The following RHOBTB3 variants were observed in gnomAD, a reference collection of about 807,000 sequenced individuals.
RHOBTB3 encodes rho-related BTB domain-containing protein 3.
In RHOBTB3, 47 loss-of-function variants were observed where a neutral mutation model predicts 67.2. That is an observed-to-expected ratio of 0.70 (90% CI 0.55 to 0.89). The LOEUF is 0.89. Among genes scored for constraint, RHOBTB3 ranks in the 40% least tolerant of loss-of-function variants. The pLI, the probability that RHOBTB3 is intolerant of heterozygous loss-of-function variation, is 0.00. For missense variants in RHOBTB3, 631 were observed against 750.0 expected (o/e 0.84, Z 1.85); for synonymous variants, 273 against 274.2 (o/e 1.00, Z 0.04).
rs1745665249 is a variant in RHOBTB3, at chr5:95,770,151, C to T, written c.1282+1985C>T. The stretch of plus-strand genomic sequence containing the variant: ...GAAATCATTGAGCAGTTAGATATCA[C>T]AGCTAGTGAATATGAAAAGGGAAAA... On this transcript the variant is annotated intron_variant, in intron 8 of 11. Coordinates refer to ENST00000379982, the MANE Select transcript of RHOBTB3 (RefSeq NM_014899.4). 8.0e-5 allele frequency: 21 copies of T among 261,864 alleles called. No homozygotes were observed. In the South Asian group the frequency reaches 9.9e-4, roughly 12 times the overall value. The allele number at this position is 261,864 out of a possible 1,614,324, so 16.2% of individuals were successfully genotyped here. A position where few individuals can be genotyped will look rare whatever the true frequency, so the allele number is the denominator to read the frequency against.
In RHOBTB3 at chr5:95,793,960, T is replaced by A. The variant is rs572881926; in HGVS notation, c.*786T>A. The A allele has an allele frequency of 8.3e-4, 377 of 454,934 alleles. 1 individual carries two copies. Among genetic ancestry groups the A allele is most frequent in the Non-Finnish European group, 1.5e-3 (342 of 226,560 alleles). The allele number at this position is 454,934 out of a possible 1,614,324, so 28.2% of individuals were successfully genotyped here. On this transcript the variant is annotated 3_prime_UTR_variant, in exon 12 of 12. Transcript: ENST00000379982. The stretch of plus-strand genomic sequence containing the variant: ...TGCTGAGCCCTCAAAATTATGTCTG[T>A]TTCGTGGTGGGAAATATCCTATGTT...
intron 11 of RHOBTB3, among the ~76,000 whole-genome samples, chr5:95,791,920 C>G (rs1268568367): frequency 6.6e-6 from 1 of 152,132 alleles, no homozygotes; most frequent in Non-Finnish European, 1.5e-5. Flanking sequence ...GCCTAACTGT[C>G]TGGGAATGCA....
chr5:95,793,189 A>T lies in RHOBTB3; in HGVS notation c.*15A>T. The T allele has an allele frequency of 6.7e-7, 1 of 1,489,862 alleles. No homozygotes were observed. Among genetic ancestry groups the T allele is most frequent in the East Asian group, 2.3e-5 (1 of 43,796 alleles). The allele number at this position is 1,489,862 out of a possible 1,614,324, so 92.3% of individuals were successfully genotyped here. Reference sequence around the variant, plus strand: ...TAGTAATGTAACCTGGAGCTTTTATACACTACATTTCTTTTTTATTATTAT... The same window carrying T: ...TAGTAATGTAACCTGGAGCTTTTATTCACTACATTTCTTTTTTATTATTAT... On this transcript the variant is annotated 3_prime_UTR_variant, in exon 12 of 12. Coordinates refer to ENST00000379982, the MANE Select transcript of RHOBTB3 (RefSeq NM_014899.4).
intron 6 of RHOBTB3, chr5:95,756,130 A>G (rs188002017): frequency 5.3e-6 from 1 of 188,752 alleles, no homozygotes; most frequent in East Asian, 1.5e-4. Context: ...TATAAAACTG[A>G]AACTCTATAC....
intron 3 of RHOBTB3, among the ~76,000 whole-genome samples, chr5:95,744,364 T>C (rs1755690460): frequency 6.6e-6 from 1 of 152,180 alleles, no homozygotes; most frequent in Admixed American, 6.5e-5. Context: ...TCCTCTGTTG[T>C]GTGGTGGCTT....
upstream of RHOBTB3, among the ~76,000 whole-genome samples, chr5:95,729,191 G>A (rs1755146584): frequency 6.6e-6 from 1 of 152,166 alleles, no homozygotes; most frequent in Non-Finnish European, 1.5e-5. Context: ...TAATAAACTG[G>A]CTTTCACTTT....
At chr5:95,755,890 C>T (rs908348088) in intron 6 of RHOBTB3, 129 bp downstream of exon 6, 11 of 859,272 alleles carry the variant, frequency 1.3e-5, no homozygotes, top group Admixed American at 2.6e-5. Context: ...TAAGATTATA[C>T]ATGAAATATT....
rs189493841 is a variant in RHOBTB3 at position 95,792,494 on chromosome 5, A to T, written c.1721-565A>T. On this transcript the variant is annotated intron_variant, in intron 11 of 11. Transcript: ENST00000379982. ...TATATCCAGGAAAAACAAAAGCTTT[A>T]TTGGAAAAGAAAAGGAAGCCAGGCG... Among the ~76,000 whole-genome samples the T allele has an allele frequency of 4.1e-4, 63 of 152,054 alleles. 1 individual carries two copies. The East Asian group carries it at 0.012, about 28-fold the overall frequency.
intron 3 of RHOBTB3, among the ~76,000 whole-genome samples, chr5:95,737,486 G>A (rs1486480510): frequency 6.6e-6 from 1 of 152,200 alleles, no homozygotes; most frequent in Non-Finnish European, 1.5e-5. Context: ...ATAACAATGA[G>A]TGAGCTGGAA....
In RHOBTB3 at chr5:95,794,784, C is replaced by G. The variant is rs1433728045; in HGVS notation, c.*1610C>G. 6.6e-6 allele frequency: 1 copy of G among 152,056 alleles called. No homozygotes were observed. Among genetic ancestry groups the G allele is most frequent in the Non-Finnish European group, 1.5e-5 (1 of 68,028 alleles). The allele number at this position is 152,056 out of a possible 1,614,324, so 9.4% of individuals were successfully genotyped here. ...ATATTGGGACCCCATACCGTTAGCC[C>G]TTGTATGTATACCAACACTGCCAAA... On this transcript the variant is annotated 3_prime_UTR_variant, in exon 12 of 12. Transcript: ENST00000379982.
At chr5:95,790,469 C>T (rs1561458685) in intron 11 of RHOBTB3, among the ~76,000 whole-genome samples, 2 of 152,060 alleles carry the variant, frequency 1.3e-5, no homozygotes, top group African/African-American at 4.8e-5. Flanking sequence ...CTATTACAAC[C>T]TTGGGAGAAG....
Position 95,779,325 on chromosome 5 carries a change from G to A in RHOBTB3, c.1283-927G>A, listed in dbSNP as rs115070598. 3.9e-3 allele frequency among the ~76,000 whole-genome samples: 595 copies of A among 152,218 alleles called. 3 individuals carry two copies. The highest frequency in any genetic ancestry group is 0.014 in the African/African-American group (572 of 41,542). ...AGGTAGCTTTGTCTTCCTCCTCTTT[G>A]TGTCTTCAATTCCAAATGCAATGAT... is the stretch of plus-strand genomic sequence containing the variant. On this transcript the variant is annotated intron_variant, in intron 8 of 11. Coordinates refer to ENST00000379982, the MANE Select transcript of RHOBTB3 (RefSeq NM_014899.4).
chr5:95,763,565 G>T lies in RHOBTB3; in HGVS notation c.1106G>T (p.Gly369Val), dbSNP rs202036278. 1 of 1,612,934 alleles carries T rather than the reference G, an allele frequency of 6.2e-7. No individual in the cohort carries two copies. The highest frequency in any genetic ancestry group is 1.7e-5 in the Admixed American group (1 of 59,964). Residue 369 changes from glycine (G) to valine (V), a missense_variant, in exon 7 of 12, where the codon GGG becomes GTG. Transcript: ENST00000379982. The part of the protein sequence containing the change: ...EDIRKKLKDS[G>V]DVSNVIEKVK... The stretch of plus-strand genomic sequence containing the variant: ...ATCAGGAAGAAGTTGAAAGATTCTG[G>T]GGATGTTTCAAATGTAATCGAGAAA...
At position 95,753,379 on chromosome 5, in the gene RHOBTB3, T is replaced by A. The variant is rs577081463; in HGVS notation, c.682+1029T>A. Reference sequence around the variant, plus strand: ...GTGTTCATTGCATCATTCTTTCAACTTTTTTGACTGTTTGAAAATATTTTT... The same window carrying A: ...GTGTTCATTGCATCATTCTTTCAACATTTTTGACTGTTTGAAAATATTTTT... On this transcript the variant is annotated intron_variant, in intron 5 of 11. Transcript: ENST00000379982. 9.8e-5 allele frequency among the ~76,000 whole-genome samples: 15 copies of A among 152,290 alleles called. No individual in the cohort carries two copies. In the South Asian group the frequency reaches 1.7e-3, roughly 17 times the overall value.
rs1046401651 is a variant in RHOBTB3 at position 95,739,557 on chromosome 5, G to T, written c.415+2482G>T. ...ATACTACAGACATTTTTAAATGTAT[G>T]TATATATTTTTGAGACAGGGTCTTG... On this transcript the variant is annotated intron_variant, in intron 3 of 11. Coordinates refer to ENST00000379982, the MANE Select transcript of RHOBTB3 (RefSeq NM_014899.4). 2.0e-5 allele frequency among the ~76,000 whole-genome samples: 3 copies of T among 152,194 alleles called. No individual in the cohort carries two copies. The East Asian group carries it at 5.8e-4, about 29-fold the overall frequency.
intron 6 of RHOBTB3, among the ~76,000 whole-genome samples, chr5:95,758,600 A>G (rs1430954769): frequency 6.6e-6 from 1 of 152,240 alleles, no homozygotes; most frequent in Non-Finnish European, 1.5e-5. Flanking sequence ...AGTGCGGCCA[A>G]GACAGGCATT....
intron 8 of RHOBTB3, chr5:95,769,044 G>A: frequency 3.3e-6 from 1 of 299,634 alleles, no homozygotes; most frequent in Non-Finnish European, 6.7e-6. Context: ...CAGGTTACTG[G>A]GATCCTCATC....
intron 9 of RHOBTB3, 81 bp downstream of exon 9, chr5:95,780,506 T>C: frequency 8.5e-7 from 1 of 1,178,062 alleles, no homozygotes; most frequent in Admixed American, 1.9e-5. Flanking sequence ...CTCTGTGGAA[T>C]CTATTTTCAT....
rs1178002162 is a variant in RHOBTB3, at chr5:95,741,260, G to A, written c.415+4185G>A. 2.7e-5 allele frequency among the ~76,000 whole-genome samples: 4 copies of A among 150,718 alleles called. No individual in the cohort carries two copies. The East Asian group carries it at 5.8e-4, about 22-fold the overall frequency. On this transcript the variant is annotated intron_variant, in intron 3 of 11. Coordinates refer to ENST00000379982, the MANE Select transcript of RHOBTB3 (RefSeq NM_014899.4). ...GGAGAATGGCACGAACCCAGGAGGC[G>A]GAGGTTACAGTGAACCGAGATCGCA...
Sources: allele counts gnomAD v4.1 joint callset (sites outside exome capture counted in the v4.1 genomes callset), GRCh38; gene constraint gnomAD v4.1.1; transcripts MANE v1.5; gene names NCBI Gene and HGNC (gene_info 2026-07-23, HGNC 2026-07-21).